Variants in SARDH observed in about 807,000 individuals in gnomAD.
The protein encoded by SARDH is sarcosine dehydrogenase, mitochondrial.
A neutral mutation model predicts 109.1 loss-of-function variants in SARDH; 95 were observed. That is an observed-to-expected ratio of 0.87 (90% CI 0.74 to 1.03). SARDH has a LOEUF of 1.03. SARDH is among the 50% of genes least tolerant of loss of function. SARDH has a pLI of 0.00. For synonymous variants in SARDH, 572 were observed against 534.8 expected, an observed-to-expected ratio of 1.07 and a Z score of -0.96; for missense variants, 1,267 against 1,287.8, an observed-to-expected ratio of 0.98 and a Z score of 0.25.
In SARDH at chr9:133,718,044, T is replaced by A. The variant is rs1832191746; in HGVS notation, c.1021-589A>T. Among the ~76,000 whole-genome samples, 1 of 152,188 alleles carries A rather than the reference T, an allele frequency of 6.6e-6. No individual in the cohort carries two copies. ...CCTGCTAATTTTATTCAGTGCGCGA[T>A]CATCTTCCAGAATTTCATTCCTTGT... is the stretch of plus-strand genomic sequence containing the variant. On this transcript the variant is annotated intron_variant, in intron 7 of 20. Coordinates refer to ENST00000439388, the MANE Select transcript of SARDH (RefSeq NM_001134707.2). This position sits in a 1 kb window ranked among gnomAD's most constrained non-coding sequence, Gnocchi z 4.2.
At chr9:133,682,517 T>A (rs1281574232) in intron 17 of SARDH, among the ~76,000 whole-genome samples, 1 of 152,228 alleles carries the variant, frequency 6.6e-6, no homozygotes, top group Admixed American at 6.5e-5. Context: ...CCCAGCCAGA[T>A]GAGCTTCGTG....
At chr9:133,716,592 G>A (rs1376991523) in intron 8 of SARDH, among the ~76,000 whole-genome samples, 1 of 151,374 alleles carries the variant, frequency 6.6e-6, no homozygotes, top group Non-Finnish European at 1.5e-5. Context: ...CTGGGGCAGA[G>A]CCTTCCAGGC....
At chr9:133,710,186 G>A (rs972271327) in intron 10 of SARDH, among the ~76,000 whole-genome samples, 1 of 152,180 alleles carries the variant, frequency 6.6e-6, no homozygotes, top group Non-Finnish European at 1.5e-5. Flanking sequence ...TGGGCCAAGC[G>A]TCCACACGCA....
intron 14 of SARDH, among the ~76,000 whole-genome samples, chr9:133,695,476 AG>A (rs1159524465): frequency 6.6e-6 from 1 of 152,162 alleles, no homozygotes; most frequent in Non-Finnish European, 1.5e-5. Context: ...GAACACCTGG[AG>A]AAGGCCTTGT....
chr9:133,684,043 C>A (rs1342213733), intron 17 of SARDH, among the ~76,000 whole-genome samples: 3 of 138,248 alleles, frequency 2.2e-5, no homozygotes, highest in African/African-American at 1.1e-4. Context: ...GGCGACATCT[C>A]CTCCAGCATG....
chr9:133,731,469 C>T lies in SARDH; in HGVS notation c.526G>A (p.Gly176Ser), dbSNP rs1179646520. Residue 176 changes from glycine to serine, a missense_variant, in exon 4 of 21, where the codon GGT (glycine) becomes AGT (serine). By Grantham distance (56) the Gly-to-Ser change is moderately conservative. Transcript: ENST00000439388. The stretch of plus-strand genomic sequence containing the variant: ...GGGCTCAGCACATGGGATTCCACAC[C>T]ATACGCCTTGCCCAGCTAGGGGGAC... ...KRLMSLGKAY[G>S]VESHVLSPAE... 6 of 1,614,028 alleles carry T rather than the reference C, an allele frequency of 3.7e-6. No individual in the cohort carries two copies. The highest frequency in any genetic ancestry group is 1.7e-5 in the Admixed American group (1 of 59,992).
chr9:133,722,640 G>GCTCTCTCTCT (rs1491335172), intron 6 of SARDH, among the ~76,000 whole-genome samples: 5 of 98,818 alleles, frequency 5.1e-5, no homozygotes, highest in Admixed American at 2.4e-4. Context: ...AAAACTACTA[G>GCTCTCTCTCT]CGCTCTCTCT....
chr9:133,682,002 C>T (rs539864469), intron 17 of SARDH, among the ~76,000 whole-genome samples: 2 of 151,956 alleles, frequency 1.3e-5, no homozygotes, highest in African/African-American at 4.8e-5. Context: ...ACTGGGCAAG[C>T]GAGGGGCGCA....
chr9:133,700,271 G>A (rs1044832331), intron 13 of SARDH, among the ~76,000 whole-genome samples: 1 of 151,932 alleles, frequency 6.6e-6, no homozygotes, highest in Non-Finnish European at 1.5e-5. Context: ...AAGTTGCAGT[G>A]AGCCGAATTG....
At position 133,731,423 on chromosome 9, in the gene SARDH, TAC is replaced by T; in HGVS notation, c.570_571del (p.Tyr191ProfsTer42). The T allele has an allele frequency of 4.3e-6, 7 of 1,614,052 alleles. No homozygotes were observed. Among genetic ancestry groups the T allele is most frequent in the African/African-American group, 1.3e-5 (1 of 75,000 alleles). On this transcript the variant is annotated frameshift_variant, in exon 4 of 21. Transcript: ENST00000439388. LOFTEE classifies it high-confidence loss of function. Reference sequence around the variant, plus strand: ...GAGGTCGTCCACATTCATCAGCGGGTACAGAGTCTTGGTCTCTGCCGGGCTCA... The same window carrying T: ...GAGGTCGTCCACATTCATCAGCGGGTAGAGTCTTGGTCTCTGCCGGGCTCA...
chr9:133,684,857 G>A (rs73564127), intron 17 of SARDH, among the ~76,000 whole-genome samples: 10,006 of 152,280 alleles, frequency 0.066, 925 homozygotes, highest in African/African-American at 0.2. Flanking sequence ...ACTTGGCCTC[G>A]GGAGGGCTGC....
At chr9:133,668,110 T>C (rs1564226810) in intron 19 of SARDH, among the ~76,000 whole-genome samples, 1 of 151,702 alleles carries the variant, frequency 6.6e-6, no homozygotes, top group Non-Finnish European at 1.5e-5. Flanking sequence ...AAGGTCGGGG[T>C]CAGGCAAGCA....
intron 1 of SARDH, among the ~76,000 whole-genome samples, chr9:133,735,104 C>T (rs539120464): frequency 6.6e-6 from 1 of 152,174 alleles, no homozygotes; most frequent in Non-Finnish European, 1.5e-5. Context: ...AGGGTATCGG[C>T]AGGCAGCCTC....
At chr9:133,702,249 C>A (rs1251454755) in intron 13 of SARDH, among the ~76,000 whole-genome samples, 1 of 152,236 alleles carries the variant, frequency 6.6e-6, no homozygotes, top group Non-Finnish European at 1.5e-5. Flanking sequence ...GGGGAGAACG[C>A]CCCTGTGTGG....
intron 14 of SARDH, 109 bp downstream of exon 14, chr9:133,696,114 G>C: frequency 1.5e-6 from 2 of 1,361,314 alleles, no homozygotes. Context: ...GCAAGGAGCA[G>C]TGTGCTCAGG....
At chr9:133,690,028 C>T (rs529410352) in intron 16 of SARDH, among the ~76,000 whole-genome samples, 2 of 152,272 alleles carry the variant, frequency 1.3e-5, no homozygotes, top group South Asian at 2.1e-4. Flanking sequence ...ATCAAGGTGG[C>T]GTACAGAAAT....
intron 6 of SARDH, among the ~76,000 whole-genome samples, chr9:133,725,864 GC>G (rs1490798969): frequency 6.6e-6 from 1 of 152,068 alleles, no homozygotes. Flanking sequence ...TCTGTCACCT[GC>G]CCCAGAACTG....
intron 6 of SARDH, among the ~76,000 whole-genome samples, chr9:133,723,873 G>C (rs543357351): frequency 6.6e-6 from 1 of 152,276 alleles, no homozygotes; most frequent in Non-Finnish European, 1.5e-5. Context: ...AATGTTGCTG[G>C]GCCAACTGGA....
chr9:133,696,265 C>A lies in SARDH; in HGVS notation c.1765G>T (p.Ala589Ser). 1.9e-6 allele frequency: 3 copies of A among 1,614,142 alleles called. No homozygotes were observed. Among genetic ancestry groups the A allele is most frequent in the Non-Finnish European group, 2.5e-6 (3 of 1,180,030 alleles). ...TCTGCGGAGAAGAGCCAGTCGGCAGCCTTCCTTGCATCCAGCCCCACCAGG... is the reference window on the plus strand; with the variant it reads ...TCTGCGGAGAAGAGCCAGTCGGCAGACTTCCTTGCATCCAGCCCCACCAGG... ...FYLVGLDARKAADWLFSADVS... is the reference protein window; with the variant it reads ...FYLVGLDARKSADWLFSADVS... The change falls in exon 14 of 21, where the codon GCT becomes TCT. Residue 589 changes from alanine (A) to serine (S), a missense_variant. Transcript: ENST00000439388.
Sources: allele counts gnomAD v4.1 joint callset (sites outside exome capture counted in the v4.1 genomes callset), GRCh38; gene constraint gnomAD v4.1.1; non-coding constraint Gnocchi (gnomAD v3.1); transcripts MANE v1.5; gene names NCBI Gene and HGNC (gene_info 2026-07-23, HGNC 2026-07-21).